EHD4: variants seen among roughly 807,000 people sequenced by gnomAD.
The protein encoded by EHD4 is EH domain-containing protein 4.
A neutral mutation model predicts 51.0 loss-of-function variants in EHD4; 37 were observed. The observed-to-expected ratio is 0.73, with a 90% CI of 0.56 to 0.95. The LOEUF (loss-of-function observed/expected upper bound fraction) is 0.95. Among genes scored for constraint, EHD4 ranks in the 40% least tolerant of loss-of-function variants. The pLI is 0.00. For missense variants in EHD4, 632 were observed against 733.1 expected, an observed-to-expected ratio of 0.86 and a Z score of 1.59; for synonymous variants, 297 against 317.3, an observed-to-expected ratio of 0.94 and a Z score of 0.68.
intron 1 of EHD4, among the ~76,000 whole-genome samples, chr15:41,967,973 G>A (rs56976918): frequency 1.3e-5 from 2 of 152,158 alleles, no homozygotes; most frequent in Non-Finnish European, 2.9e-5. Flanking sequence ...ATCCCCTCTT[G>A]AACACAGCTG....
At position 41,906,449 on chromosome 15, in the gene EHD4, C is replaced by G. The variant is rs1430186393; in HGVS notation, c.1089+3250G>C. On this transcript the variant is annotated intron_variant, in intron 5 of 5. Transcript: ENST00000220325. ...TTGTTGCTCAGTAAAATCCTCCACC[C>G]TCATCACTCTTCAATTGTCAGCATG... Among the ~76,000 whole-genome samples, 4 of 152,166 alleles carry G rather than the reference C, an allele frequency of 2.6e-5. No homozygotes were observed. In the East Asian group the frequency reaches 7.7e-4, roughly 29 times the overall value.
Position 41,900,819 on chromosome 15 carries a change from C to T in EHD4, c.1452G>A (p.Leu484=). Residue 484 remains leucine, a synonymous_variant, in exon 6 of 6, where the codon CTG becomes CTA. Coordinates refer to ENST00000220325, the MANE Select transcript of EHD4 (RefSeq NM_139265.4). This position sits in a 1 kb window ranked among gnomAD's most constrained non-coding sequence, Gnocchi z 4.8. ...MVTSKLPNSV[L]GKIWKLADCD... ...AGTCGGCCAGCTTCCAGATCTTGCC[C>T]AGGACGCTGTTGGGCAGCTTGGAGG... 1 of 1,614,206 alleles carries T rather than the reference C, an allele frequency of 6.2e-7. No homozygotes were observed. Among genetic ancestry groups the T allele is most frequent in the Admixed American group, 1.7e-5 (1 of 60,034 alleles).
intron 1 of EHD4, among the ~76,000 whole-genome samples, chr15:41,964,379 G>A (rs1014544078): frequency 1.3e-5 from 2 of 152,174 alleles, no homozygotes; most frequent in Non-Finnish European, 2.9e-5. Context: ...AAGGCGTGAG[G>A]ATCGCTTGAG....
At chr15:41,962,708 T>C (rs887701430) in intron 1 of EHD4, among the ~76,000 whole-genome samples, 5 of 151,912 alleles carry the variant, frequency 3.3e-5, no homozygotes, top group South Asian at 2.1e-4. Flanking sequence ...CCGCCCCGTC[T>C]GGGAGGTGGG....
intron 5 of EHD4, among the ~76,000 whole-genome samples, chr15:41,905,917 C>T (rs2067509363): frequency 2.0e-5 from 3 of 152,254 alleles, no homozygotes; most frequent in Admixed American, 2.0e-4. Context: ...AGCAGTCCTC[C>T]CATTTCAGAC....
At position 41,936,902 on chromosome 15, in the gene EHD4, T is replaced by G. The variant is rs560071922; in HGVS notation, c.511+6165A>C. Among the ~76,000 whole-genome samples the G allele has an allele frequency of 8.1e-4, 124 of 152,184 alleles. 1 individual carries two copies. The highest frequency in any genetic ancestry group is 2.9e-3 in the African/African-American group (119 of 41,418). Reference sequence around the variant, plus strand: ...CAGGATTTCCTGCTAGAGGCCCAAGTGGCTAGTGATGTCCAGGACCTCACA... The same window carrying G: ...CAGGATTTCCTGCTAGAGGCCCAAGGGGCTAGTGATGTCCAGGACCTCACA... On this transcript the variant is annotated intron_variant, in intron 3 of 5. Transcript: ENST00000220325.
Position 41,903,293 on chromosome 15 carries a change from A to C in EHD4, c.1090-2112T>G, listed in dbSNP as rs1176600174. Among the ~76,000 whole-genome samples the C allele has an allele frequency of 2.8e-5, 4 of 144,240 alleles. No individual in the cohort carries two copies. The Admixed American group carries it at 2.8e-4, about 10-fold the overall frequency. The allele number at this position is 144,240 out of a possible 152,430, so 94.6% of individuals were successfully genotyped here. A position where few individuals can be genotyped will look rare whatever the true frequency, so the allele number is the denominator to read the frequency against. On this transcript the variant is annotated intron_variant, in intron 5 of 5. Transcript: ENST00000220325. ...GACAGGCTGCTAGGAAAAAAAAAAAAAAACTTGGTGTTATCATAAATATCA... is the reference window on the plus strand; with the variant it reads ...GACAGGCTGCTAGGAAAAAAAAAAACAAACTTGGTGTTATCATAAATATCA...
In EHD4 at chr15:41,951,269, C is replaced by G. The variant is rs577103151; in HGVS notation, c.413+2495G>C. Among the ~76,000 whole-genome samples the G allele has an allele frequency of 3.3e-5, 5 of 152,298 alleles. No individual in the cohort carries two copies. In the East Asian group the frequency reaches 9.6e-4, roughly 29 times the overall value. On this transcript the variant is annotated intron_variant, in intron 2 of 5. Transcript: ENST00000220325. ...TACACAAGTCTAGAACAGAATCTGA[C>G]ACATAAATGCCATATAATTATTTGC...
chr15:41,946,039 G>A (rs892664175), intron 2 of EHD4, among the ~76,000 whole-genome samples: 1 of 152,226 alleles, frequency 6.6e-6, no homozygotes, highest in African/African-American at 2.4e-5. Context: ...GCTTTGAACG[G>A]TGCCTGACAC....
intron 4 of EHD4, among the ~76,000 whole-genome samples, chr15:41,915,127 G>A (rs1428217865): frequency 6.6e-6 from 1 of 152,070 alleles, no homozygotes; most frequent in Non-Finnish European, 1.5e-5. Context: ...TGGACACAAT[G>A]AGATCTGTGT....
chr15:41,914,989 T>G (rs1195046783), intron 4 of EHD4, among the ~76,000 whole-genome samples: 2 of 151,964 alleles, frequency 1.3e-5, no homozygotes, highest in African/African-American at 2.4e-5. Flanking sequence ...TAATTTTTTT[T>G]GTAATTTTTG....
At chr15:41,920,865 C>T (rs953958803) in intron 3 of EHD4, among the ~76,000 whole-genome samples, 1 of 152,168 alleles carries the variant, frequency 6.6e-6, no homozygotes, top group Non-Finnish European at 1.5e-5. Context: ...AAATACTCAA[C>T]CATCTGTGGA....
chr15:41,903,847 T>C (rs2067494819), intron 5 of EHD4, among the ~76,000 whole-genome samples: 1 of 152,082 alleles, frequency 6.6e-6, no homozygotes, highest in Admixed American at 6.6e-5. Flanking sequence ...CATCAAACCA[T>C]GCAAACCCAG....
At chr15:41,908,891 G>A (rs1409274322) in intron 5 of EHD4, among the ~76,000 whole-genome samples, 1 of 152,228 alleles carries the variant, frequency 6.6e-6, no homozygotes, top group Non-Finnish European at 1.5e-5. Flanking sequence ...GTTACTGGGT[G>A]GTGGCTGCAG....
Position 41,901,116 on chromosome 15 carries a change from C to T in EHD4, c.1155G>A (p.Val385=), listed in dbSNP as rs777183599. The T allele has an allele frequency of 1.9e-6, 3 of 1,603,826 alleles. No individual in the cohort carries two copies. The highest frequency in any genetic ancestry group is 1.1e-5 in the South Asian group (1 of 89,056). The change falls in exon 6 of 6, where the codon GTG becomes GTA. Residue 385 remains valine, a synonymous_variant. Coordinates refer to ENST00000220325, the MANE Select transcript of EHD4 (RefSeq NM_139265.4). ...HSLKPKLIEA[V]DNMLSNKISP... ...AGATCTTGTTGCTCAGCATGTTGTC[C>T]ACTGCCTCGATCAGCTTGGGCTTCA... is the stretch of plus-strand genomic sequence containing the variant.
chr15:41,912,510 T>C (rs1013403115), intron 4 of EHD4, among the ~76,000 whole-genome samples: 2 of 151,938 alleles, frequency 1.3e-5, no homozygotes, highest in Non-Finnish European at 2.9e-5. Context: ...GCCTGGCCAA[T>C]GTGGTGAAAC....
intron 5 of EHD4, among the ~76,000 whole-genome samples, chr15:41,903,122 G>A (rs2067488620): frequency 6.6e-6 from 1 of 151,856 alleles, no homozygotes; most frequent in African/African-American, 2.4e-5. Context: ...TTCCAGGTAT[G>A]GCAGGTTTTA....
In EHD4 at chr15:41,899,968, G is replaced by C. The variant is rs1220330902; in HGVS notation, c.*677C>G. The C allele has an allele frequency of 6.6e-6, 1 of 152,536 alleles. No homozygotes were observed. Among genetic ancestry groups the C allele is most frequent in the South Asian group, 2.1e-4 (1 of 4,816 alleles). The allele number at this position is 152,536 out of a possible 1,614,324, so 9.4% of individuals were successfully genotyped here. ...AAGCCCCCTGGAAGGGAGGTTGGGA[G>C]GGCTGACCAGATGGTCATCGGGGCA... On this transcript the variant is annotated 3_prime_UTR_variant, in exon 6 of 6. Transcript: ENST00000220325.
At chr15:41,964,192 G>A (rs1201962592) in intron 1 of EHD4, among the ~76,000 whole-genome samples, 1 of 140,526 alleles carries the variant, frequency 7.1e-6, no homozygotes, top group Non-Finnish European at 1.6e-5. Flanking sequence ...CACTTCAAAT[G>A]AAAATTGGAC....
Sources: gnomAD v4.1 joint callset for allele counts (sites outside exome capture counted in the v4.1 genomes callset) on GRCh38, gnomAD v4.1.1 for gene constraint, Gnocchi (gnomAD v3.1) non-coding constraint, MANE v1.5 for transcripts, NCBI Gene and HGNC (gene_info 2026-07-23, HGNC 2026-07-21) for gene names.